TSGA10: variants seen among roughly 807,000 people sequenced by gnomAD.
The protein encoded by TSGA10 is testis-specific gene 10 protein.
In TSGA10, 43 loss-of-function variants were observed where a neutral mutation model predicts 96.6. That is an observed-to-expected ratio of 0.44 (90% CI 0.35 to 0.57). TSGA10 has a LOEUF of 0.57. Ranked by LOEUF, TSGA10 falls within the 20% of genes least tolerant of loss-of-function variation. The pLI is 0.01. For missense variants in TSGA10, 703 were observed against 834.4 expected (o/e 0.84, Z 1.94); for synonymous variants, 229 against 269.9 (o/e 0.85, Z 1.48).
chr2:99,043,806 C>A (rs1281186785), intron 16 of TSGA10, among the ~76,000 whole-genome samples: 8 of 152,132 alleles, frequency 5.3e-5, no homozygotes, highest in African/African-American at 1.4e-4. Context: ...CCCAGGAGAA[C>A]TACCTTTCAG....
chr2:99,089,230 C>T (rs1469727947), intron 10 of TSGA10, among the ~76,000 whole-genome samples: 1 of 152,180 alleles, frequency 6.6e-6, no homozygotes, highest in Non-Finnish European at 1.5e-5. Flanking sequence ...GTAGAGTAAG[C>T]AGCGGGAAGA....
chr2:99,120,694 A>G (rs1362518676), intron 2 of TSGA10, among the ~76,000 whole-genome samples: 2 of 152,206 alleles, frequency 1.3e-5, no homozygotes, highest in Admixed American at 6.5e-5. Context: ...TGTGTCATAA[A>G]CAACATAGTA....
At chr2:99,146,278 T>C (rs907825974) in intron 1 of TSGA10, among the ~76,000 whole-genome samples, 2 of 152,218 alleles carry the variant, frequency 1.3e-5, no homozygotes, top group Admixed American at 6.5e-5. Flanking sequence ...CTGTTTGGGA[T>C]TCCTCAATCT....
chr2:99,065,398 ATTTGTTCTTATATTTCCTTTTG>A (rs1385476357), intron 15 of TSGA10, among the ~76,000 whole-genome samples: 5 of 152,060 alleles, frequency 3.3e-5, no homozygotes, highest in Non-Finnish European at 5.9e-5. Flanking sequence ...ACCTGAATGA[ATTTGTTCTTATATTTCCTTTTG>A]TTTGAAGTCC....
intron 12 of TSGA10, among the ~76,000 whole-genome samples, chr2:99,077,198 T>C (rs1224017403): frequency 7.9e-6 from 1 of 125,806 alleles, no homozygotes; most frequent in African/African-American, 3.1e-5. Flanking sequence ...TGGAGTAGGA[T>C]GGCACAAACT....
At chr2:99,085,931 G>A (rs148222945) in intron 10 of TSGA10, among the ~76,000 whole-genome samples, 132 of 152,264 alleles carry the variant, frequency 8.7e-4, no homozygotes, top group East Asian at 8.1e-3. Flanking sequence ...ATTCAAGATG[G>A]TATGGCATTA....
intron 10 of TSGA10, among the ~76,000 whole-genome samples, chr2:99,094,658 C>G (rs1276783725): frequency 6.6e-6 from 1 of 152,188 alleles, no homozygotes; most frequent in African/African-American, 2.4e-5. Flanking sequence ...AAATGCTCAA[C>G]ATCACTAATG....
intron 12 of TSGA10, among the ~76,000 whole-genome samples, chr2:99,075,111 A>G (rs941168033): frequency 1.3e-5 from 2 of 152,190 alleles, no homozygotes; most frequent in South Asian, 2.1e-4. Flanking sequence ...GAATCCAATA[A>G]CATATACTCT....
chr2:99,071,871 C>T lies in TSGA10; in HGVS notation c.942G>A (p.Gln314=). ...IIAEMEQASR[Q]CTEALIVCEQ... The stretch of plus-strand genomic sequence containing the variant: ...CACACACAATTAGGGCCTCAGTACA[C>T]TGTCTATTCCACAAATCAAAGAGTA... Residue 314 remains glutamine, a synonymous_variant, in exon 14 of 21, where the codon CAG becomes CAA. Coordinates refer to ENST00000393483, the MANE Select transcript of TSGA10 (RefSeq NM_025244.4). 1 of 1,610,024 alleles carries T rather than the reference C, an allele frequency of 6.2e-7. No individual in the cohort carries two copies. Among genetic ancestry groups the T allele is most frequent in the South Asian group, 1.1e-5 (1 of 90,140 alleles).
intron 9 of TSGA10, 24 bp from the exon 10 acceptor site, chr2:99,104,142 T>A: frequency 6.2e-7 from 1 of 1,611,216 alleles, no homozygotes; most frequent in East Asian, 2.2e-5. Flanking sequence ...ATGACAAGGT[T>A]ACTGCCATCA....
chr2:99,109,580 A>G (rs6733624), intron 5 of TSGA10, 68 bp from the exon 6 acceptor site: 1,324,330 of 1,324,740 alleles, frequency 1, 661,960 homozygotes, highest in Middle Eastern at 1. Context: ...AAAAAATTAG[A>G]CCATTATTTC....
chr2:99,105,846 T>G lies in TSGA10; in HGVS notation c.211-149A>C, dbSNP rs1431891117. ...TCGCTTTTATTTTAAAATAAGCTTA[T>G]ACAAATAAATGAAAATGAATATATT... On this transcript the variant is annotated intron_variant, in intron 7 of 20. Coordinates refer to ENST00000393483, the MANE Select transcript of TSGA10 (RefSeq NM_025244.4). The G allele has an allele frequency of 8.2e-6, 4 of 487,444 alleles. No homozygotes were observed. In the East Asian group the frequency reaches 1.2e-4, roughly 15 times the overall value. 30.2% of individuals were successfully genotyped at this position (487,444 alleles called of 1,614,324 possible). A position where few individuals can be genotyped will look rare whatever the true frequency, so the allele number is the denominator to read the frequency against.
At chr2:99,036,023 G>A (rs1418778021) in intron 16 of TSGA10, among the ~76,000 whole-genome samples, 1 of 152,026 alleles carries the variant, frequency 6.6e-6, no homozygotes, top group Non-Finnish European at 1.5e-5. Flanking sequence ...TTAAAACTAT[G>A]AGATTCAAGT....
chr2:99,088,087 A>T (rs970654453), intron 10 of TSGA10, among the ~76,000 whole-genome samples: 5 of 152,216 alleles, frequency 3.3e-5, no homozygotes, highest in African/African-American at 1.2e-4. Context: ...AGAAAGAACT[A>T]GATAAAATTA....
chr2:99,032,962 T>C lies in TSGA10; in HGVS notation c.1614+2268A>G, dbSNP rs910681468. On this transcript the variant is annotated intron_variant, in intron 17 of 20. Transcript: ENST00000393483. ...TTTCAGGAGCATGTGCATGAAGACA[T>C]GTTATGTGCGCTTTTGTTGCCAACC... 1.3e-5 allele frequency among the ~76,000 whole-genome samples: 2 copies of C among 152,206 alleles called. 1 individual carries two copies. Among genetic ancestry groups the C allele is most frequent in the South Asian group, 4.1e-4 (2 of 4,828 alleles).
In TSGA10 at chr2:99,018,254, G is replaced by A. The variant is rs766489521; in HGVS notation, c.2018C>T (p.Pro673Leu). The A allele has an allele frequency of 7.4e-6, 12 of 1,613,894 alleles. No individual in the cohort carries two copies. Among genetic ancestry groups the A allele is most frequent in the Non-Finnish European group, 1.0e-5 (12 of 1,179,956 alleles). Residue 673 changes from proline to leucine, a missense_variant, in exon 20 of 21, where the codon CCA becomes CTA. Physicochemically the swap from Pro to Leu is moderately conservative, Grantham distance 98 (BLOSUM62 -3). This residue lies in a region of TSGA10 where 69 missense variants were observed against 81.3 expected (regional missense o/e 0.85). Coordinates refer to ENST00000393483, the MANE Select transcript of TSGA10 (RefSeq NM_025244.4). ...TMKPNTKCHSPERAHHRSPDR... is the reference protein window; with the variant it reads ...TMKPNTKCHSLERAHHRSPDR... ...AGGAGATCGATGGTGAGCACGTTCT[G>A]GTGAATGACATTTTGTATTTGGCTT...
At chr2:98,999,674 T>G (rs1428619511) in intron 20 of TSGA10, among the ~76,000 whole-genome samples, 1 of 152,214 alleles carries the variant, frequency 6.6e-6, no homozygotes, top group Non-Finnish European at 1.5e-5. Flanking sequence ...GTACAGAAAG[T>G]AATTATAACT....
At chr2:99,046,853 A>G (rs1399240130) in intron 16 of TSGA10, among the ~76,000 whole-genome samples, 1 of 152,228 alleles carries the variant, frequency 6.6e-6, no homozygotes, top group Non-Finnish European at 1.5e-5. Flanking sequence ...AAAAGAGAGA[A>G]GAATCAAATA....
rs757614781 is a variant in TSGA10, at chr2:99,092,711, A to G, written c.611+11256T>C. The stretch of plus-strand genomic sequence containing the variant: ...ATTCCTGGAAATATACAACCCTCCT[A>G]GCTTAAACCAGGAAGAATTAGAAAC... On this transcript the variant is annotated intron_variant, in intron 10 of 20. Coordinates refer to ENST00000393483, the MANE Select transcript of TSGA10 (RefSeq NM_025244.4). Among the ~76,000 whole-genome samples the G allele has an allele frequency of 2.6e-4, 39 of 152,316 alleles. No individual in the cohort carries two copies. The Middle Eastern group carries it at 0.02, about 80-fold the overall frequency.
Sources: gnomAD v4.1 joint callset for allele counts (sites outside exome capture counted in the v4.1 genomes callset) on GRCh38, gnomAD v4.1.1 for gene constraint, gnomAD v4.1.1 regional missense constraint, MANE v1.5 for transcripts, NCBI Gene and HGNC (gene_info 2026-07-23, HGNC 2026-07-21) for gene names.